LINGO2: variants seen among roughly 807,000 people sequenced by gnomAD.
LINGO2 encodes leucine-rich repeat and immunoglobulin-like domain-containing nogo receptor-interacting protein 2.
A neutral mutation model predicts 30.6 loss-of-function variants in LINGO2; 14 were observed. The observed-to-expected ratio is 0.46, with a 90% CI of 0.30 to 0.72. The LOEUF (loss-of-function observed/expected upper bound fraction) is 0.72, where lower values mean the gene tolerates loss of function less well. LINGO2 is among the 30% of genes least tolerant of loss of function. The probability of loss-of-function intolerance (pLI) is 0.07; values close to 1 mark genes in which losing one functional copy is unlikely to be tolerated. For synonymous variants in LINGO2, 317 were observed against 288.5 expected, an observed-to-expected ratio of 1.10 and a Z score of -1.00; for missense variants, 729 against 751.7, an observed-to-expected ratio of 0.97 and a Z score of 0.35.
At chr9:28,642,779 A>T (rs879908750) in intron 1 of LINGO2, among the ~76,000 whole-genome samples, 1 of 152,136 alleles carries the variant, frequency 6.6e-6, no homozygotes, top group African/African-American at 2.4e-5. Context: ...ATGACCTATT[A>T]TCTTTCAACT....
upstream of LINGO2, among the ~76,000 whole-genome samples, chr9:28,671,397 A>T (rs557989791): frequency 6.6e-6 from 1 of 152,040 alleles, no homozygotes; most frequent in Admixed American, 6.6e-5. Flanking sequence ...CATCAGTGGC[A>T]GATTGGATAA....
At chr9:28,285,843 G>A (rs909563263) in intron 4 of LINGO2, among the ~76,000 whole-genome samples, 10 of 152,134 alleles carry the variant, frequency 6.6e-5, no homozygotes, top group Non-Finnish European at 1.5e-4. Context: ...AGCTTGCTGG[G>A]ATGGCAGCAT....
chr9:28,679,258 A>G, the LINGO2 span, among the ~76,000 whole-genome samples: 1 of 152,100 alleles, frequency 6.6e-6, no homozygotes, highest in Non-Finnish European at 1.5e-5. Context: ...TCTTTTCACC[A>G]TTATCAAAGC....
chr9:27,957,087 T>C (rs1008973273), intron 5 of LINGO2, among the ~76,000 whole-genome samples: 1 of 152,260 alleles, frequency 6.6e-6, no homozygotes, highest in East Asian at 1.9e-4. Context: ...TGAGACCCTG[T>C]CTCTACAAAA....
the LINGO2 span, among the ~76,000 whole-genome samples, chr9:28,744,641 T>TGTGTGTGTGTG: frequency 1.3e-4 from 14 of 104,054 alleles, no homozygotes; most frequent in Non-Finnish European, 2.4e-4. Context: ...TGTGTGTGTA[T>TGTGTGTGTGTG]TTTTTTTTTT....
intron 4 of LINGO2, among the ~76,000 whole-genome samples, chr9:28,103,786 A>G (rs1826486576): frequency 6.6e-6 from 1 of 152,204 alleles, no homozygotes; most frequent in Non-Finnish European, 1.5e-5. Context: ...AATGTGACAA[A>G]ACTATCATTT....
intron 4 of LINGO2, among the ~76,000 whole-genome samples, chr9:28,074,250 G>A (rs1287351466): frequency 6.6e-6 from 1 of 152,126 alleles, no homozygotes; most frequent in Non-Finnish European, 1.5e-5. Flanking sequence ...TGTAAAAATT[G>A]TGCACCCTAA....
At chr9:28,465,461 A>G (rs1464369522) in intron 2 of LINGO2, among the ~76,000 whole-genome samples, 1 of 152,030 alleles carries the variant, frequency 6.6e-6, no homozygotes, top group African/African-American at 2.4e-5. Flanking sequence ...TGAGCACAAG[A>G]TAGGGGGCAT....
chr9:28,841,918 G>C, the LINGO2 span, among the ~76,000 whole-genome samples: 1 of 151,744 alleles, frequency 6.6e-6, no homozygotes, highest in African/African-American at 2.4e-5. Flanking sequence ...TCCTCATTTA[G>C]ATAATCTGTT....
At chr9:27,969,128 GA>G (rs1239405726) in intron 5 of LINGO2, among the ~76,000 whole-genome samples, 1 of 150,860 alleles carries the variant, frequency 6.6e-6, no homozygotes, top group Non-Finnish European at 1.5e-5. Context: ...AAAATGAAGT[GA>G]AAAACAGATA....
At chr9:28,047,351 T>C (rs1824470992) in intron 4 of LINGO2, among the ~76,000 whole-genome samples, 1 of 151,554 alleles carries the variant, frequency 6.6e-6, no homozygotes, top group Non-Finnish European at 1.5e-5. Context: ...CTTCATTGGG[T>C]CATACTGTAT....
chr9:28,692,472 C>T, the LINGO2 span, among the ~76,000 whole-genome samples: 1 of 152,004 alleles, frequency 6.6e-6, no homozygotes, highest in African/African-American at 2.4e-5. Context: ...AAAACTCCGT[C>T]TCAAAAAATA....
chr9:28,962,037 A>AAAAC, the LINGO2 span, among the ~76,000 whole-genome samples: 102 of 152,300 alleles, frequency 6.7e-4, no homozygotes, highest in Non-Finnish European at 1.2e-3. Flanking sequence ...ACAGTTCATT[A>AAAAC]AAACAAACAA....
At chr9:29,170,088 T>C in the LINGO2 span, among the ~76,000 whole-genome samples, 16 of 152,196 alleles carry the variant, frequency 1.1e-4, no homozygotes, top group South Asian at 3.3e-3. Flanking sequence ...AATTCAGCAA[T>C]CCTACTACTG....
At chr9:28,393,553 C>A (rs1587604761) in intron 2 of LINGO2, among the ~76,000 whole-genome samples, 3 of 152,218 alleles carry the variant, frequency 2.0e-5, no homozygotes, top group South Asian at 4.2e-4. Flanking sequence ...ATATTAACAA[C>A]AATATACTGA....
chr9:28,728,633 T>G, the LINGO2 span, among the ~76,000 whole-genome samples: 1 of 151,992 alleles, frequency 6.6e-6, no homozygotes, highest in African/African-American at 2.4e-5. Context: ...AAAAACATAC[T>G]GCTAATATCG....
At chr9:28,874,468 T>A in the LINGO2 span, among the ~76,000 whole-genome samples, 6 of 152,220 alleles carry the variant, frequency 3.9e-5, no homozygotes, top group Middle Eastern at 3.4e-3. Flanking sequence ...CATGTATTAT[T>A]TTTTGATTTG....
intron 3 of LINGO2, among the ~76,000 whole-genome samples, chr9:28,307,180 A>T (rs1385354020): frequency 6.6e-6 from 1 of 152,228 alleles, no homozygotes; most frequent in Non-Finnish European, 1.5e-5. Flanking sequence ...AAAATCCTCA[A>T]TAAAATACTG....
chr9:28,219,393 C>T (rs562579507), intron 4 of LINGO2, among the ~76,000 whole-genome samples: 26 of 152,240 alleles, frequency 1.7e-4, no homozygotes, highest in Middle Eastern at 3.4e-3. Flanking sequence ...ATATGCTTGC[C>T]TTATTCCTTA....
Sources: gnomAD v4.1 joint callset for allele counts (sites outside exome capture counted in the v4.1 genomes callset) on GRCh38, gnomAD v4.1.1 for gene constraint, MANE v1.5 for transcripts, NCBI Gene and HGNC (gene_info 2026-07-23, HGNC 2026-07-21) for gene names.